MYO3A: variants seen among roughly 807,000 people sequenced by gnomAD.
The protein encoded by MYO3A is myosin IIIA, also known as myosin-IIIa.
Under a neutral mutation model 192.7 loss-of-function variants are expected in MYO3A, and 180 were observed. The ratio of observed to expected loss-of-function variants is 0.93; its 90% confidence interval spans 0.83 to 1.06. The LOEUF (loss-of-function observed/expected upper bound fraction) is 1.06, where lower values mean the gene tolerates loss of function less well. MYO3A is among the 50% of genes least tolerant of loss of function. MYO3A has a pLI of 0.00. For missense variants in MYO3A, 1,896 were observed against 1,905.0 expected (o/e 1.00, Z 0.09); for synonymous variants, 628 against 645.3 (o/e 0.97, Z 0.41).
chr10:26,170,576 T>C (rs1411164251), intron 29 of MYO3A, 37 bp downstream of exon 29: 4 of 1,584,332 alleles, frequency 2.5e-6, no homozygotes, highest in Non-Finnish European at 2.6e-6. Context: ...TTGTAACATA[T>C]AGATTTTTCA....
intron 14 of MYO3A, among the ~76,000 whole-genome samples, chr10:26,081,101 G>T (rs1340486000): frequency 6.8e-6 from 1 of 147,882 alleles, no homozygotes; most frequent in Non-Finnish European, 1.5e-5. Context: ...GGCGGTGGGT[G>T]GGGCCCTAGA....
chr10:25,955,426 T>C (rs927770637), intron 4 of MYO3A, among the ~76,000 whole-genome samples: 1 of 152,188 alleles, frequency 6.6e-6, no homozygotes, highest in Non-Finnish European at 1.5e-5. Context: ...ATTTTCTTTT[T>C]CTGTCTTTAT....
rs535734009 is a variant in MYO3A at position 26,045,681 on chromosome 10, C to T, written c.953+19149C>T. ...CAGAATCTCATTTTCTGACCTTCCC[C>T]GGTCCTCCTTTCATCTGCTCCTTTT... On this transcript the variant is annotated intron_variant, in intron 10 of 34. Transcript: ENST00000642920. 2.1e-4 allele frequency among the ~76,000 whole-genome samples: 32 copies of T among 152,232 alleles called. No individual in the cohort carries two copies. The East Asian group carries it at 4.5e-3, about 21-fold the overall frequency.
At chr10:26,207,757 G>GTTTGA in intron 34 of MYO3A, among the ~76,000 whole-genome samples, 1 of 446 alleles carries the variant, frequency 2.2e-3, no homozygotes, top group African/African-American at 0.01. Flanking sequence ...GACTACCAAA[G>GTTTGA]GGTCTTCTGT....
At chr10:26,061,780 T>G (rs961914200) in intron 10 of MYO3A, among the ~76,000 whole-genome samples, 1 of 152,180 alleles carries the variant, frequency 6.6e-6, no homozygotes, top group Non-Finnish European at 1.5e-5. Context: ...AGCCAAGTAT[T>G]GATCCCTCTG....
At chr10:26,074,914 T>C (rs1373183073) in intron 14 of MYO3A, among the ~76,000 whole-genome samples, 1 of 152,080 alleles carries the variant, frequency 6.6e-6, no homozygotes, top group Non-Finnish European at 1.5e-5. Flanking sequence ...GGTGATTTTT[T>C]GTGTATGGTA....
chr10:25,996,717 A>G, intron 5 of MYO3A, 123 bp downstream of exon 5: 2 of 821,070 alleles, frequency 2.4e-6, no homozygotes, highest in Non-Finnish European at 4.1e-6. Flanking sequence ...GGAAGAATAT[A>G]TGCAAAATCT....
intron 10 of MYO3A, among the ~76,000 whole-genome samples, chr10:26,040,956 T>G (rs1179938757): frequency 6.6e-6 from 1 of 152,144 alleles, no homozygotes; most frequent in Non-Finnish European, 1.5e-5. Context: ...GCTGATTTTC[T>G]TTCTGGAAGA....
intron 10 of MYO3A, among the ~76,000 whole-genome samples, chr10:26,033,718 A>G (rs967000759): frequency 6.6e-6 from 1 of 152,184 alleles, no homozygotes; most frequent in Non-Finnish European, 1.5e-5. Context: ...ATAAATAACC[A>G]TTATACAAAG....
Position 26,142,759 on chromosome 10 carries a change from G to A in MYO3A, c.2263-689G>A, listed in dbSNP as rs145465556. ...CTGTCTTGTAACTACGTAAATGTCT[G>A]GAATTGTGATTGAAAAGTTATATAC... On this transcript the variant is annotated intron_variant, in intron 20 of 34. Transcript: ENST00000642920. Among the ~76,000 whole-genome samples the A allele has an allele frequency of 6.0e-3, 914 of 152,224 alleles. 2 individuals carry two copies. Among genetic ancestry groups the A allele is most frequent in the Non-Finnish European group, 9.4e-3 (642 of 68,004 alleles).
chr10:26,081,135 C>CCCCCCA, intron 14 of MYO3A, among the ~76,000 whole-genome samples: 6 of 89,526 alleles, frequency 6.7e-5, no homozygotes, highest in Admixed American at 1.9e-4. Context: ...TATGCCCTTC[C>CCCCCCA]CCCCCCCCCC....
intron 11 of MYO3A, among the ~76,000 whole-genome samples, chr10:26,067,757 C>T (rs978710659): frequency 6.6e-6 from 1 of 152,142 alleles, no homozygotes; most frequent in Admixed American, 6.5e-5. Flanking sequence ...CTTTGTTCCA[C>T]GTAGTCAGAT....
chr10:26,039,021 TTTTGTTTGTTTGTTTG>T (rs138198989), intron 10 of MYO3A, among the ~76,000 whole-genome samples: 1 of 150,552 alleles, frequency 6.6e-6, no homozygotes, highest in African/African-American at 2.5e-5. Flanking sequence ...ATGAATGAGT[TTTTGTTTGTTTGTTTG>T]TTTGTTTGTT....
chr10:26,071,603 A>G (rs1343055898), intron 14 of MYO3A, among the ~76,000 whole-genome samples: 1 of 152,228 alleles, frequency 6.6e-6, no homozygotes, highest in Non-Finnish European at 1.5e-5. Context: ...CCACAGACTC[A>G]GAGAAAATAT....
chr10:26,211,821 G>C, intron 34 of MYO3A, 22 bp from the exon 35 acceptor site: 1 of 1,613,946 alleles, frequency 6.2e-7, no homozygotes, highest in Non-Finnish European at 8.5e-7. Flanking sequence ...GTTGACACTT[G>C]GGCCCTGGGT....
chr10:26,011,597 C>G (rs574391609), intron 6 of MYO3A, among the ~76,000 whole-genome samples: 1 of 152,190 alleles, frequency 6.6e-6, no homozygotes, highest in East Asian at 1.9e-4. Flanking sequence ...AAACCAATAA[C>G]AAACAGCAAG....
chr10:26,124,971 C>T (rs1839125426), intron 18 of MYO3A, among the ~76,000 whole-genome samples: 2 of 151,956 alleles, frequency 1.3e-5, no homozygotes, highest in South Asian at 4.2e-4. Context: ...TGAGGTATAC[C>T]CCTGAAGTCT....
At chr10:26,080,089 A>G (rs1835825251) in intron 14 of MYO3A, among the ~76,000 whole-genome samples, 1 of 152,062 alleles carries the variant, frequency 6.6e-6, no homozygotes, top group Admixed American at 6.5e-5. Flanking sequence ...GGACAGGGAA[A>G]TTTTCCTTGA....
chr10:26,133,673 A>G (rs921345036), intron 20 of MYO3A, among the ~76,000 whole-genome samples: 1 of 152,210 alleles, frequency 6.6e-6, no homozygotes, highest in South Asian at 2.1e-4. Context: ...GACTCACTGT[A>G]GCATCGAACT....
Sources: gnomAD v4.1 joint callset for allele counts (sites outside exome capture counted in the v4.1 genomes callset) on GRCh38, gnomAD v4.1.1 for gene constraint, MANE v1.5 for transcripts, NCBI Gene and HGNC (gene_info 2026-07-23, HGNC 2026-07-21) for gene names.